FLG: variants seen among roughly 807,000 people sequenced by gnomAD.
FLG encodes filaggrin.
A neutral mutation model predicts 3.8 loss-of-function variants in FLG; 6 were observed. The ratio of observed to expected loss-of-function variants is 1.60; its 90% CI spans 0.87 to 3.15. The LOEUF (loss-of-function observed/expected upper bound fraction) is 3.15. Among genes scored for constraint, FLG ranks in the 30% most tolerant of loss-of-function variants. FLG has a pLI of 0.00. For synonymous variants in FLG, 2,551 were observed against 1,931.6 expected (o/e 1.32, Z -8.41); for missense variants, 7,595 against 5,050.9 (o/e 1.50, Z -15.27).
Position 152,309,556 on chromosome 1 carries a change from G to T in FLG, c.5330C>A (p.Ser1777Tyr). Residue 1777 changes from serine to tyrosine, a missense_variant, in exon 3 of 3, where the codon TCC becomes TAC. By Grantham distance (144) the Ser-to-Tyr change is moderately radical. Coordinates refer to ENST00000368799, the MANE Select transcript of FLG (RefSeq NM_002016.2). ...YQVSTHEQSE[S>Y]AHGRTGPSTG... ...GCTGGGCCCTGTGCGTCCATGGGCGGACTCAGACTGTTCATGAGTGCTCAC... is the reference window on the plus strand; with the variant it reads ...GCTGGGCCCTGTGCGTCCATGGGCGTACTCAGACTGTTCATGAGTGCTCAC... 6.2e-7 allele frequency: 1 copy of T among 1,613,850 alleles called. No homozygotes were observed. Among genetic ancestry groups the T allele is most frequent in the South Asian group, 1.1e-5 (1 of 91,062 alleles).
rs1479205321 is a variant in FLG, at chr1:152,303,680, C to T, written c.11206G>A (p.Gly3736Arg). 2 of 1,613,984 alleles carry T rather than the reference C, an allele frequency of 1.2e-6. No individual in the cohort carries two copies. Among genetic ancestry groups the T allele is most frequent in the East Asian group, 2.2e-5 (1 of 44,848 alleles). The part of the protein sequence containing the change: ...RAGPSTGGRQ[G>R]SRHEQARDSS... ...TCTCGTGCCTGCTCGTGGCGGGATC[C>T]TTGTCTTCCTCCAGTACTGGGCCCA... The change falls in exon 3 of 3, where the codon GGA (glycine) becomes AGA (arginine). Residue 3736 changes from glycine (G) to arginine (R), a missense_variant. Physicochemically the swap from Gly to Arg is moderately radical, Grantham distance 125 (BLOSUM62 -2). Transcript: ENST00000368799.
Position 152,305,278 on chromosome 1 carries a change from T to C in FLG, c.9608A>G (p.Glu3203Gly). The C allele has an allele frequency of 6.2e-7, 1 of 1,611,924 alleles. No homozygotes were observed. The highest frequency in any genetic ancestry group is 8.5e-7 in the Non-Finnish European group (1 of 1,179,632). ...CTGGCGCCTGCTTCTCCTGGACCCCTCTGATTGTCCCTGGACTGCCTGTGA... is the reference window on the plus strand; with the variant it reads ...CTGGCGCCTGCTTCTCCTGGACCCCCCTGATTGTCCCTGGACTGCCTGTGA... The part of the protein sequence containing the change: ...RHSQAVQGQS[E>G]GSRRSRRQGS... The change falls in exon 3 of 3, where the codon GAG becomes GGG. Residue 3203 changes from glutamate to glycine, a missense_variant. Coordinates refer to ENST00000368799, the MANE Select transcript of FLG (RefSeq NM_002016.2).
At position 152,310,226 on chromosome 1, in the gene FLG, A is replaced by G. The variant is rs750171980; in HGVS notation, c.4660T>C (p.Ser1554Pro). 6.2e-7 allele frequency: 1 copy of G among 1,613,340 alleles called. No individual in the cohort carries two copies. The highest frequency in any genetic ancestry group is 8.5e-7 in the Non-Finnish European group (1 of 1,179,948). The part of the protein sequence containing the change: ...TRNEEQSGDG[S>P]RHSGSRHHEP... ...TGGTGACGTGACCCTGAGTGCCTGG[A>G]GCCGTCTCCTGATTGTTCCTCATTT... Residue 1554 changes from serine to proline, a missense_variant, in exon 3 of 3, where the codon TCC becomes CCC. By Grantham distance (74) the Ser-to-Pro change is moderately conservative. Coordinates refer to ENST00000368799, the MANE Select transcript of FLG (RefSeq NM_002016.2).
rs539646707 is a variant in FLG at position 152,313,729 on chromosome 1, G to C, written c.1157C>G (p.Ser386Cys). The part of the protein sequence containing the change: ...ARSSPGERHG[S>C]GHQQSADSSR... ...GCTGTCTGCTGACTGCTGGTGGCCG[G>C]ATCCATGTCTTTCTCCTGGACTTGA... The change falls in exon 3 of 3, where the codon TCC becomes TGC. Residue 386 changes from serine to cysteine, a missense_variant. Coordinates refer to ENST00000368799, the MANE Select transcript of FLG (RefSeq NM_002016.2). 55 of 1,614,124 alleles carry C rather than the reference G, an allele frequency of 3.4e-5. No individual in the cohort carries two copies. Among genetic ancestry groups the C allele is most frequent in the Middle Eastern group, 1.6e-4 (1 of 6,062 alleles).
In FLG at chr1:152,304,934, T is replaced by G. The variant is rs1419285927; in HGVS notation, c.9952A>C (p.Ile3318Leu). Residue 3318 changes from isoleucine to leucine, a missense_variant, in exon 3 of 3, where the codon ATT (isoleucine) becomes CTT (leucine). Transcript: ENST00000368799. ...QSADSSRHSG[I>L]PRGQASSAVR... ...GCAGATGAAGCTTGTCCACGCGGAA[T>G]GCCTGAGTGTCTGGAGCTGTCTGCT... The G allele has an allele frequency of 2.2e-5, 35 of 1,613,650 alleles. No individual in the cohort carries two copies. The highest frequency in any genetic ancestry group is 2.9e-5 in the Non-Finnish European group (34 of 1,179,970).
chr1:152,314,865 C>CT (rs34224823), intron 2 of FLG, 118 bp from the exon 3 acceptor site: 30,413 of 1,027,306 alleles, frequency 0.03, 1 homozygote, highest in Non-Finnish European at 0.034. Flanking sequence ...GGGACAAAAT[C>CT]TTTTTTTTTT....
In FLG at chr1:152,304,871, G is replaced by A. The variant is rs1271218827; in HGVS notation, c.10015C>T (p.Gln3339Ter). The A allele has an allele frequency of 4.3e-6, 7 of 1,613,682 alleles. No homozygotes were observed. The highest frequency in any genetic ancestry group is 5.9e-6 in the Non-Finnish European group (7 of 1,179,970). ...DSRHWGSSGS[Q>*]ASDSEGHSEE... is the part of the protein sequence containing the mutation. ...GAATGTCCCTCACTATCACTGGCCT[G>A]ACTACCACTGGACCCCCAGTGTCTA... The change falls in exon 3 of 3, where the codon CAG becomes TAG. Residue 3339 changes from glutamine (Q) to a stop codon, truncating the protein, a stop_gained. Transcript: ENST00000368799. LOFTEE classifies it low-confidence loss of function (END_TRUNC).
Position 152,314,470 on chromosome 1 carries a change from C to T in FLG, c.416G>A (p.Gly139Glu), listed in dbSNP as rs1255591004. Residue 139 changes from glycine (G) to glutamate (E), a missense_variant, in exon 3 of 3, where the codon GGA becomes GAA. Physicochemically the swap from Gly to Glu is moderately conservative, Grantham distance 98 (BLOSUM62 -2). Coordinates refer to ENST00000368799, the MANE Select transcript of FLG (RefSeq NM_002016.2). ...TGTTTCTCTTGGGCTCTTGGATCTT[C>T]CCTTATTCCCTTTTCTATTGTTTCT... is the stretch of plus-strand genomic sequence containing the variant. ...ERRNNRKGNK[G>E]RSKSPRETGG... 1 of 1,613,266 alleles carries T rather than the reference C, an allele frequency of 6.2e-7. No homozygotes were observed. The highest frequency in any genetic ancestry group is 8.5e-7 in the Non-Finnish European group (1 of 1,179,682).
chr1:152,304,374 C>G lies in FLG; in HGVS notation c.10512G>C (p.Ser3504=), dbSNP rs139345866. ...CCTGAGTGGAAGCTTCATGGTGATG[C>G]GACCATGAGTGCCTGGAGCCATCTC... is the stretch of plus-strand genomic sequence containing the variant. ...QSGDGSRHSW[S]HHHEASTQAD... Residue 3504 remains serine, a synonymous_variant, in exon 3 of 3, where the codon TCG becomes TCC. Coordinates refer to ENST00000368799, the MANE Select transcript of FLG (RefSeq NM_002016.2). 1.2e-6 allele frequency: 2 copies of G among 1,611,402 alleles called. No homozygotes were observed. Among genetic ancestry groups the G allele is most frequent in the African/African-American group, 1.3e-5 (1 of 74,644 alleles).
Position 152,303,032 on chromosome 1 carries a change from T to C in FLG, c.11854A>G (p.Ser3952Gly), listed in dbSNP as rs748654009. Residue 3952 changes from serine to glycine, a missense_variant, in exon 3 of 3, where the codon AGT becomes GGT. By Grantham distance (56) the Ser-to-Gly change is moderately conservative. Transcript: ENST00000368799. ...GATTGATAATGATAAGAACTAGAAC[T>C]GTGAGGACTGCCACGTGACTGTATT... ...SGIQSRGSPH[S>G]SSSYHYQSEG... 1.2e-6 allele frequency: 2 copies of C among 1,614,078 alleles called. No individual in the cohort carries two copies. Among genetic ancestry groups the C allele is most frequent in the African/African-American group, 1.3e-5 (1 of 74,926 alleles).
At position 152,314,538 on chromosome 1, in the gene FLG, T is replaced by C; in HGVS notation, c.348A>G (p.Glu116=). 6.2e-7 allele frequency: 1 copy of C among 1,613,972 alleles called. No homozygotes were observed. The highest frequency in any genetic ancestry group is 8.5e-7 in the Non-Finnish European group (1 of 1,179,982). The change falls in exon 3 of 3, where the codon GAA becomes GAG. Residue 116 remains glutamate (E), a synonymous_variant. Coordinates refer to ENST00000368799, the MANE Select transcript of FLG (RefSeq NM_002016.2). ...GTCTTTTTCTGTTTTCTTTGTTTTCTTCCTGTTTATTATCTTCATGTTTAT... is the reference window on the plus strand; with the variant it reads ...GTCTTTTTCTGTTTTCTTTGTTTTCCTCCTGTTTATTATCTTCATGTTTAT... ...HHDKHEDNKQ[E]ENKENRKRPS... is the part of the protein sequence containing the mutation.
Position 152,306,350 on chromosome 1 carries a change from G to A in FLG, c.8536C>T (p.Gln2846Ter), listed in dbSNP as rs2101639565. 2 of 1,602,046 alleles carry A rather than the reference G, an allele frequency of 1.2e-6. No individual in the cohort carries two copies. The highest frequency in any genetic ancestry group is 1.7e-4 in the Middle Eastern group (1 of 6,054). ...SASRTTRNEE[Q>*]SGDGSRHSGS... ...GAGTGCCTGGAGCCGTCTCCTGATT[G>A]TTCCTCATTACGTGTTGTTCTGCTT... The change falls in exon 3 of 3, where the codon CAA (glutamine) becomes TAA (stop). Residue 2846 changes from glutamine to a stop codon, truncating the protein, a stop_gained. Coordinates refer to ENST00000368799, the MANE Select transcript of FLG (RefSeq NM_002016.2). LOFTEE classifies it low-confidence loss of function (END_TRUNC).
chr1:152,309,221 A>G lies in FLG; in HGVS notation c.5665T>C (p.Ser1889Pro). 6.2e-7 allele frequency: 1 copy of G among 1,613,168 alleles called. No individual in the cohort carries two copies. Among genetic ancestry groups the G allele is most frequent in the Non-Finnish European group, 8.5e-7 (1 of 1,179,842 alleles). Reference protein sequence around the residue: ...RHSGSRHHEASSRADSSRHSQ... With the variant: ...RHSGSRHHEAPSRADSSRHSQ... The stretch of plus-strand genomic sequence containing the variant: ...TGTCTAGAGCTGTCGGCCCGAGAGG[A>G]AGCTTCATGGTGACGCGACCCTGAG... The change falls in exon 3 of 3, where the codon TCC becomes CCC. Residue 1889 changes from serine (S) to proline (P), a missense_variant. Transcript: ENST00000368799.
rs778164330 is a variant in FLG at position 152,307,918 on chromosome 1, C to G, written c.6968G>C (p.Arg2323Thr). ...GQAASSHEQARSSAGERHGSH... is the reference protein window; with the variant it reads ...GQAASSHEQATSSAGERHGSH... ...TCCGTGTCTCTCTCCTGCACTTGAT[C>G]TTGCCTGTTCATGGGATGATGCAGC... Residue 2323 changes from arginine (R) to threonine (T), a missense_variant, in exon 3 of 3, where the codon AGA becomes ACA. By Grantham distance (71) the Arg-to-Thr change is moderately conservative. Coordinates refer to ENST00000368799, the MANE Select transcript of FLG (RefSeq NM_002016.2). 17 of 1,613,492 alleles carry G rather than the reference C, an allele frequency of 1.1e-5. No individual in the cohort carries two copies. Among genetic ancestry groups the G allele is most frequent in the South Asian group, 2.2e-5 (2 of 91,020 alleles).
In FLG at chr1:152,308,041, G is replaced by A. The variant is rs750002465; in HGVS notation, c.6845C>T (p.Pro2282Leu). The change falls in exon 3 of 3, where the codon CCC becomes CTC. Residue 2282 changes from proline (P) to leucine (L), a missense_variant. Coordinates refer to ENST00000368799, the MANE Select transcript of FLG (RefSeq NM_002016.2). ...QEQSRDGSRH[P>L]RSHHEDRAGH... ...GGCTCTGTCTTCGTGATGGGACCTG[G>A]GGTGTCTGGAGCCATCTCTTGACTG... 6.2e-7 allele frequency: 1 copy of A among 1,614,030 alleles called. No individual in the cohort carries two copies.
Position 152,309,701 on chromosome 1 carries a change from A to G in FLG, c.5185T>C (p.Ser1729Pro), listed in dbSNP as rs1254407698. 4 of 1,612,848 alleles carry G rather than the reference A, an allele frequency of 2.5e-6. No homozygotes were observed. The Admixed American group carries it at 5.0e-5, about 20-fold the overall frequency. Residue 1729 changes from serine (S) to proline (P), a missense_variant, in exon 3 of 3, where the codon TCA becomes CCA. Ser to Pro is a moderately conservative substitution (Grantham distance 74, BLOSUM62 -1). Coordinates refer to ENST00000368799, the MANE Select transcript of FLG (RefSeq NM_002016.2). ...TGGGCTGACACTGACTGTGTGTCTGACTCTTCTGAGTGTCCCTCGCTGTCA... is the reference window on the plus strand; with the variant it reads ...TGGGCTGACACTGACTGTGTGTCTGGCTCTTCTGAGTGTCCCTCGCTGTCA... ...ASDSEGHSEE[S>P]DTQSVSAHGQ... is the part of the protein sequence containing the mutation.
chr1:152,312,507 G>A lies in FLG; in HGVS notation c.2379C>T (p.Phe793=), dbSNP rs764706679. The A allele has an allele frequency of 5.0e-6, 8 of 1,613,398 alleles. No homozygotes were observed. The African/African-American group carries it at 5.4e-5, about 11-fold the overall frequency. The change falls in exon 3 of 3, where the codon TTC becomes TTT. Residue 793 remains phenylalanine, a synonymous_variant. Transcript: ENST00000368799. ...SGERSRRSGS[F]LYQVSTHKQS... is the part of the protein sequence containing the mutation. Reference sequence around the variant, plus strand: ...GTTTATGAGTGCTCACCTGGTAGAGGAAAGACCCTGAACGTCGAGACCTTT... The same window carrying A: ...GTTTATGAGTGCTCACCTGGTAGAGAAAAGACCCTGAACGTCGAGACCTTT...
At position 152,305,198 on chromosome 1, in the gene FLG, T is replaced by C; in HGVS notation, c.9688A>G (p.Arg3230Gly). 1 of 1,613,570 alleles carries C rather than the reference T, an allele frequency of 6.2e-7. No homozygotes were observed. Among genetic ancestry groups the C allele is most frequent in the Non-Finnish European group, 8.5e-7 (1 of 1,179,920 alleles). Residue 3230 changes from arginine to glycine, a missense_variant, in exon 3 of 3, where the codon AGG becomes GGG. By Grantham distance (125) the Arg-to-Gly change is moderately radical. Transcript: ENST00000368799. Reference protein sequence around the residue: ...DSEGHSEDSERWSGSASRNHR... With the variant: ...DSEGHSEDSEGWSGSASRNHR... ...TTTCTGGAAGCAGACCCAGACCACC[T>C]CTCAGAGTCTTCTGAATGTCCCTCA...
chr1:152,312,522 T>C lies in FLG; in HGVS notation c.2364A>G (p.Arg788=), dbSNP rs766673563. The part of the protein sequence containing the change: ...SARDRSGERS[R]RSGSFLYQVS... ...CCTGGTAGAGGAAAGACCCTGAACG[T>C]CGAGACCTTTCCCCTGACCGGTCAC... The change falls in exon 3 of 3, where the codon CGA becomes CGG. Residue 788 remains arginine, a synonymous_variant. Transcript: ENST00000368799. 111 of 1,613,434 alleles carry C rather than the reference T, an allele frequency of 6.9e-5. No homozygotes were observed. Among genetic ancestry groups the C allele is most frequent in the Non-Finnish European group, 8.9e-5 (105 of 1,179,868 alleles).
Sources: allele counts gnomAD v4.1 joint callset, GRCh38; gene constraint gnomAD v4.1.1; transcripts MANE v1.5; gene names NCBI Gene and HGNC (gene_info 2026-07-23, HGNC 2026-07-21).